The following GTF2E2 variants were observed in gnomAD, a reference collection of about 807,000 sequenced individuals.
GTF2E2 encodes transcription initiation factor IIE subunit beta.
A neutral mutation model predicts 40.5 loss-of-function variants in GTF2E2; 21 were observed. The observed-to-expected ratio is 0.52, with a 90% CI of 0.37 to 0.75. The LOEUF is 0.75. GTF2E2 is among the 30% of genes least tolerant of loss of function. The pLI is 0.00. For synonymous variants in GTF2E2, 117 were observed against 121.6 expected (o/e 0.96, Z 0.25); for missense variants, 298 against 338.4 (o/e 0.88, Z 0.94).
chr8:30,583,643 G>C (rs180732352), intron 6 of GTF2E2, among the ~76,000 whole-genome samples: 21 of 152,216 alleles, frequency 1.4e-4, no homozygotes, highest in African/African-American at 4.3e-4. Context: ...GCCTCCCAAA[G>C]TACTGGGATT....
intron 3 of GTF2E2, among the ~76,000 whole-genome samples, chr8:30,626,510 T>C (rs1405467663): frequency 6.6e-6 from 1 of 152,198 alleles, no homozygotes; most frequent in Admixed American, 6.5e-5. Context: ...GTAAAATGTA[T>C]TGTGAAGTTT....
chr8:30,597,677 T>A (rs190216993), intron 6 of GTF2E2: 1 of 152,326 alleles, frequency 6.6e-6, no homozygotes, highest in East Asian at 1.9e-4. Context: ...CAAGAAGATA[T>A]CAGCATGCAG....
intron 3 of GTF2E2, among the ~76,000 whole-genome samples, chr8:30,625,317 T>C (rs1801237927): frequency 6.6e-6 from 1 of 152,148 alleles, no homozygotes; most frequent in African/African-American, 2.4e-5. Context: ...ATTACGTTTA[T>C]TGACTTGCGT....
intron 6 of GTF2E2, among the ~76,000 whole-genome samples, chr8:30,585,508 G>A (rs889136248): frequency 1.3e-5 from 2 of 151,868 alleles, no homozygotes; most frequent in African/African-American, 4.8e-5. Flanking sequence ...GTAAAGATGT[G>A]GAAAATACAC....
chr8:30,594,916 G>T (rs1828957377), intron 6 of GTF2E2, among the ~76,000 whole-genome samples: 1 of 151,096 alleles, frequency 6.6e-6, no homozygotes, highest in East Asian at 1.9e-4. Context: ...CTGAAAAATA[G>T]TGTGTTTAGA....
intron 3 of GTF2E2, among the ~76,000 whole-genome samples, chr8:30,624,863 C>T (rs1801219731): frequency 6.6e-6 from 1 of 151,874 alleles, no homozygotes; most frequent in Admixed American, 6.6e-5. Flanking sequence ...GATTTTGTAT[C>T]CTGAGACTTT....
intron 6 of GTF2E2, among the ~76,000 whole-genome samples, chr8:30,600,068 G>GAA (rs1277395194): frequency 6.6e-6 from 1 of 152,160 alleles, no homozygotes; most frequent in African/African-American, 2.4e-5. Context: ...TAAGAATCCT[G>GAA]AATTCTTAAG....
intron 6 of GTF2E2, among the ~76,000 whole-genome samples, chr8:30,605,109 C>G (rs1234540308): frequency 6.6e-6 from 1 of 152,188 alleles, no homozygotes; most frequent in African/African-American, 2.4e-5. Context: ...AGAGCTACTG[C>G]AATCTCTTTC....
chr8:30,654,147 G>C (rs1338128936), intron 1 of GTF2E2, among the ~76,000 whole-genome samples: 1 of 150,194 alleles, frequency 6.7e-6, no homozygotes, highest in Non-Finnish European at 1.5e-5. Flanking sequence ...TAAAGTTCCA[G>C]AACTGTGCTG....
At chr8:30,601,084 G>A (rs755078408) in intron 6 of GTF2E2, among the ~76,000 whole-genome samples, 6 of 152,238 alleles carry the variant, frequency 3.9e-5, no homozygotes, top group East Asian at 3.9e-4. Context: ...ACTGATTTAC[G>A]TAATACTGGC....
chr8:30,653,321 A>G (rs549804792), intron 2 of GTF2E2, 112 bp downstream of exon 2: 14 of 736,882 alleles, frequency 1.9e-5, no homozygotes, highest in South Asian at 1.2e-4. Context: ...TATATTCAAC[A>G]AAGTGCCTAT....
intron 1 of GTF2E2, among the ~76,000 whole-genome samples, 182 bp from the exon 2 acceptor site, chr8:30,653,784 G>A (rs1802363684): frequency 6.6e-6 from 1 of 151,946 alleles, no homozygotes; most frequent in African/African-American, 2.4e-5. Flanking sequence ...CTTATTACAC[G>A]CCAAGCACTG....
At chr8:30,652,706 G>A (rs2128730790) in intron 2 of GTF2E2, among the ~76,000 whole-genome samples, 1 of 152,162 alleles carries the variant, frequency 6.6e-6, no homozygotes. Context: ...CTACTTCTAG[G>A]TCTCTATCCA....
intron 6 of GTF2E2, among the ~76,000 whole-genome samples, chr8:30,598,815 G>C (rs1829087865): frequency 6.6e-6 from 1 of 152,054 alleles, no homozygotes; most frequent in Non-Finnish European, 1.5e-5. Flanking sequence ...GAAATAACCT[G>C]GTTTTCTTTA....
intron 4 of GTF2E2, 106 bp from the exon 5 acceptor site, chr8:30,612,587 CGT>C: frequency 1.6e-6 from 1 of 627,862 alleles, no homozygotes; most frequent in Non-Finnish European, 2.6e-6. Flanking sequence ...AGTGCAGTGG[CGT>C]GATCTCAGCT....
intron 6 of GTF2E2, among the ~76,000 whole-genome samples, chr8:30,601,425 T>C (rs1020637056): frequency 2.0e-5 from 3 of 152,186 alleles, no homozygotes; most frequent in Non-Finnish European, 4.4e-5. Context: ...CAGGTGACAT[T>C]TGATAATGTC....
chr8:30,591,528 C>T (rs749211531), intron 6 of GTF2E2, among the ~76,000 whole-genome samples: 1 of 151,996 alleles, frequency 6.6e-6, no homozygotes, highest in Non-Finnish European at 1.5e-5. Context: ...TATAAAATGG[C>T]CAATCAGCAC....
chr8:30,634,860 A>G (rs567688729), intron 3 of GTF2E2, among the ~76,000 whole-genome samples, 172 bp downstream of exon 3: 1 of 152,348 alleles, frequency 6.6e-6, no homozygotes, highest in Admixed American at 6.5e-5. Context: ...TGCCAAATTA[A>G]TACAATGTAA....
At chr8:30,621,415 C>T (rs1801097465) in intron 3 of GTF2E2, among the ~76,000 whole-genome samples, 1 of 151,978 alleles carries the variant, frequency 6.6e-6, no homozygotes, top group Non-Finnish European at 1.5e-5. Flanking sequence ...GCTACTGGAT[C>T]AAAATGAGTG....
Sources: gnomAD v4.1 joint callset for allele counts (sites outside exome capture counted in the v4.1 genomes callset) on GRCh38, gnomAD v4.1.1 for gene constraint, MANE v1.5 for transcripts, NCBI Gene and HGNC (gene_info 2026-07-23, HGNC 2026-07-21) for gene names.